Variants in MMP16 observed in about 807,000 individuals in gnomAD.
MMP16 encodes matrix metalloproteinase-16.
MMP16 carries 12 observed loss-of-function variants against 67.8 expected under a neutral mutation model. The ratio of observed to expected loss-of-function variants is 0.18; its 90% CI spans 0.11 to 0.29. The LOEUF (loss-of-function observed/expected upper bound fraction) is 0.29. Ranked by LOEUF, MMP16 falls within the 10% of genes least tolerant of loss-of-function variation. The pLI, the probability that MMP16 is intolerant of heterozygous loss-of-function variation, is 1.00. For missense variants in MMP16, 475 were observed against 765.7 expected, an observed-to-expected ratio of 0.62 and a Z score of 4.48; for synonymous variants, 249 against 255.9, an observed-to-expected ratio of 0.97 and a Z score of 0.26.
intron 1 of MMP16, among the ~76,000 whole-genome samples, chr8:88,201,069 C>T (rs762355882): frequency 1.4e-4 from 21 of 148,022 alleles, no homozygotes; most frequent in Admixed American, 3.4e-4. Flanking sequence ...AACTTCCCCA[C>T]TGATAGGACA....
At chr8:88,128,452 T>G (rs1807972388) in intron 4 of MMP16, among the ~76,000 whole-genome samples, 1 of 151,850 alleles carries the variant, frequency 6.6e-6, no homozygotes. Context: ...CAGGTTTTTT[T>G]CCTGACCATA....
intron 9 of MMP16, among the ~76,000 whole-genome samples, chr8:88,043,176 A>G (rs1380419112): frequency 6.6e-6 from 1 of 152,230 alleles, no homozygotes; most frequent in Non-Finnish European, 1.5e-5. Flanking sequence ...ATTGAGGATC[A>G]GAGACAAAAT....
intron 7 of MMP16, among the ~76,000 whole-genome samples, chr8:88,073,748 AT>A (rs1437771075): frequency 6.6e-6 from 1 of 152,078 alleles, no homozygotes; most frequent in Non-Finnish European, 1.5e-5. Context: ...TCTGGGAATA[AT>A]TGCTTTTTGA....
chr8:88,206,147 T>C (rs1226594951), intron 1 of MMP16, among the ~76,000 whole-genome samples: 1 of 151,652 alleles, frequency 6.6e-6, no homozygotes, highest in Non-Finnish European at 1.5e-5. Context: ...GTAAAAAAAA[T>C]ATATAATCTA....
chr8:88,323,005 G>A (rs1375895619), intron 1 of MMP16, among the ~76,000 whole-genome samples: 2 of 152,148 alleles, frequency 1.3e-5, no homozygotes, highest in African/African-American at 4.8e-5. Context: ...TGTTAAACCT[G>A]CAATCTTGCG....
At position 88,116,665 on chromosome 8, in the gene MMP16, G is replaced by A. The variant is rs1809441790; in HGVS notation, c.925C>T (p.His309Tyr). 2 of 1,613,884 alleles carry A rather than the reference G, an allele frequency of 1.2e-6. No individual in the cohort carries two copies. Residue 309 changes from histidine to tyrosine, a missense_variant, in exon 6 of 10, where the codon CAC (histidine) becomes TAC (tyrosine). His to Tyr is a moderately conservative substitution (Grantham distance 83). This residue lies in a region of MMP16 where 195 missense variants were observed against 300.9 expected (regional missense o/e 0.65). Transcript: ENST00000286614. ...PTRPLPTVPP[H>Y]RSIPPADPRK... ...GGGTCAGCCGGAGGAATAGAGCGGT[G>A]TGGGGGCACTGTCGGTAGAGGTCTT... is the stretch of plus-strand genomic sequence containing the variant.
At chr8:88,154,670 G>C (rs1398675415) in intron 4 of MMP16, among the ~76,000 whole-genome samples, 1 of 148,460 alleles carries the variant, frequency 6.7e-6, no homozygotes, top group South Asian at 2.2e-4. Flanking sequence ...TGAACAATGA[G>C]ATCACATGGA....
At chr8:88,308,125 T>C (rs555176549) in intron 1 of MMP16, among the ~76,000 whole-genome samples, 2 of 152,064 alleles carry the variant, frequency 1.3e-5, no homozygotes, top group Non-Finnish European at 2.9e-5. Flanking sequence ...TTTAAAGCAT[T>C]GAAAACATCA....
intron 1 of MMP16, among the ~76,000 whole-genome samples, chr8:88,273,942 T>C (rs1041184868): frequency 2.0e-5 from 3 of 152,152 alleles, no homozygotes; most frequent in East Asian, 3.9e-4. Context: ...TTGGTTGTCA[T>C]AGCTGTTATT....
intron 4 of MMP16, among the ~76,000 whole-genome samples, chr8:88,137,347 G>A (rs541992425): frequency 6.6e-6 from 1 of 152,028 alleles, no homozygotes; most frequent in African/African-American, 2.4e-5. Flanking sequence ...CAATAATTTG[G>A]AATTTTGGAT....
At chr8:88,081,049 G>A (rs993482625) in intron 6 of MMP16, among the ~76,000 whole-genome samples, 10 of 152,166 alleles carry the variant, frequency 6.6e-5, no homozygotes, top group East Asian at 2.0e-4. Context: ...CCTTGGTAGC[G>A]AGGCTCATCA....
intron 2 of MMP16, among the ~76,000 whole-genome samples, chr8:88,188,790 G>A (rs1395826562): frequency 6.6e-6 from 1 of 151,934 alleles, no homozygotes; most frequent in African/African-American, 2.4e-5. Context: ...TGAGTAGCTG[G>A]GATTACAGGC....
intron 7 of MMP16, among the ~76,000 whole-genome samples, chr8:88,074,041 T>C (rs1160759450): frequency 6.6e-6 from 1 of 152,154 alleles, no homozygotes; most frequent in African/African-American, 2.4e-5. Context: ...CTTCATCAGG[T>C]AATTTCACTT....
intron 1 of MMP16, among the ~76,000 whole-genome samples, chr8:88,311,812 A>G (rs1434464547): frequency 6.6e-6 from 1 of 152,160 alleles, no homozygotes; most frequent in Admixed American, 6.6e-5. Flanking sequence ...GAAAGGGGTG[A>G]GGCTGATAAT....
intron 1 of MMP16, among the ~76,000 whole-genome samples, chr8:88,316,822 C>G (rs764655765): frequency 6.6e-6 from 1 of 152,104 alleles, no homozygotes; most frequent in Non-Finnish European, 1.5e-5. Context: ...AACTTTAAAA[C>G]CTTCTGTAAA....
At chr8:88,072,889 C>G (rs1040939605) in intron 7 of MMP16, among the ~76,000 whole-genome samples, 1 of 152,094 alleles carries the variant, frequency 6.6e-6, no homozygotes, top group African/African-American at 2.4e-5. Context: ...GGAGGACATG[C>G]CTTTTATGCT....
At chr8:88,232,716 T>C (rs1222268772) in intron 1 of MMP16, among the ~76,000 whole-genome samples, 4 of 152,160 alleles carry the variant, frequency 2.6e-5, no homozygotes, top group Admixed American at 2.0e-4. Context: ...GCAACACCTA[T>C]CCTGCACAGT....
intron 7 of MMP16, among the ~76,000 whole-genome samples, chr8:88,056,990 T>A (rs1808341058): frequency 6.6e-6 from 1 of 152,082 alleles, no homozygotes; most frequent in Non-Finnish European, 1.5e-5. Context: ...ACAGCACATA[T>A]CCTCATGCCC....
chr8:88,084,325 C>T (rs888564913), intron 6 of MMP16, among the ~76,000 whole-genome samples: 1 of 151,778 alleles, frequency 6.6e-6, no homozygotes, highest in Non-Finnish European at 1.5e-5. Flanking sequence ...TTTGTTAGGC[C>T]AAATCTAATT....
Sources: gnomAD v4.1 joint callset for allele counts (sites outside exome capture counted in the v4.1 genomes callset) on GRCh38, gnomAD v4.1.1 for gene constraint, gnomAD v4.1.1 regional missense constraint, MANE v1.5 for transcripts, NCBI Gene and HGNC (gene_info 2026-07-23, HGNC 2026-07-21) for gene names.